Variants in ADGRB3 observed in about 807,000 individuals in gnomAD.
ADGRB3 encodes adhesion G protein-coupled receptor B3.
A neutral mutation model predicts 193.4 loss-of-function variants in ADGRB3; 37 were observed. That is an observed-to-expected ratio of 0.19 (90% confidence interval 0.15 to 0.25). ADGRB3 has a LOEUF of 0.25. ADGRB3 is among the 10% of genes least tolerant of loss of function. The pLI, the probability that ADGRB3 is intolerant of heterozygous loss-of-function variation, is 1.00. For synonymous variants in ADGRB3, 690 were observed against 644.2 expected, an observed-to-expected ratio of 1.07 and a Z score of -1.08; for missense variants, 1,637 against 1,852.9, an observed-to-expected ratio of 0.88 and a Z score of 2.14.
chr6:68,768,250 A>T (rs1395752843), intron 3 of ADGRB3, among the ~76,000 whole-genome samples: 1 of 152,188 alleles, frequency 6.6e-6, no homozygotes, highest in African/African-American at 2.4e-5. Flanking sequence ...CTAGACAAAA[A>T]GAACAAATCT....
intron 20 of ADGRB3, among the ~76,000 whole-genome samples, chr6:69,294,409 A>T (rs1170655015): frequency 6.6e-6 from 1 of 152,088 alleles, no homozygotes; most frequent in Admixed American, 6.6e-5. Context: ...GGTAAATAGG[A>T]CAGATGGAGA....
chr6:68,683,100 TA>T (rs1394539296), intron 3 of ADGRB3, among the ~76,000 whole-genome samples: 1 of 152,014 alleles, frequency 6.6e-6, no homozygotes, highest in Non-Finnish European at 1.5e-5. Context: ...AGTGTTTTCT[TA>T]AAAAAATAAA....
intron 16 of ADGRB3, among the ~76,000 whole-genome samples, chr6:69,065,295 T>C (rs1455320127): frequency 6.6e-6 from 1 of 152,124 alleles, no homozygotes; most frequent in Non-Finnish European, 1.5e-5. Context: ...CTAGGCGCTC[T>C]TGTTTGGAAT....
intron 3 of ADGRB3, among the ~76,000 whole-genome samples, chr6:68,844,454 C>T (rs1161440276): frequency 6.6e-6 from 1 of 152,082 alleles, no homozygotes; most frequent in Non-Finnish European, 1.5e-5. Flanking sequence ...TATTATCTCA[C>T]ACAAGTTAAA....
Position 69,006,607 on chromosome 6 carries a change from G to A in ADGRB3, c.1930-7431G>A, listed in dbSNP as rs370578472. The stretch of plus-strand genomic sequence containing the variant: ...TGTAACCTATGCTTCCTGAGTTCAC[G>A]CAATTCTCCTGCCTTAGCCTCCTAA... On this transcript the variant is annotated intron_variant, in intron 11 of 31. Coordinates refer to ENST00000370598, the MANE Select transcript of ADGRB3 (RefSeq NM_001704.3). 1.8e-3 allele frequency among the ~76,000 whole-genome samples: 273 copies of A among 151,300 alleles called. 2 individuals are homozygous for A. Among genetic ancestry groups the A allele is most frequent in the African/African-American group, 6.1e-3 (253 of 41,220 alleles).
intron 3 of ADGRB3, among the ~76,000 whole-genome samples, chr6:68,714,168 G>T (rs1328231956): frequency 1.3e-5 from 2 of 151,570 alleles, no homozygotes; most frequent in Admixed American, 6.6e-5. Flanking sequence ...TGCCTTTGTG[G>T]TATTAATTTG....
At chr6:68,915,909 C>T (rs1467610116) in intron 3 of ADGRB3, among the ~76,000 whole-genome samples, 1 of 151,902 alleles carries the variant, frequency 6.6e-6, no homozygotes, top group African/African-American at 2.4e-5. Context: ...CTTTTACAGT[C>T]AGGCATTATA....
chr6:69,326,943 G>A (rs1768587410), intron 21 of ADGRB3, among the ~76,000 whole-genome samples: 1 of 152,082 alleles, frequency 6.6e-6, no homozygotes, highest in Admixed American at 6.6e-5. Context: ...CTTCTGAGAT[G>A]TTTTCCATAG....
intron 15 of ADGRB3, among the ~76,000 whole-genome samples, chr6:69,052,410 A>C (rs1771425639): frequency 6.6e-6 from 1 of 152,222 alleles, no homozygotes; most frequent in South Asian, 2.1e-4. Flanking sequence ...TTATTTACAA[A>C]GTTTTATAAA....
At chr6:68,677,125 G>A (rs748715576) in intron 3 of ADGRB3, among the ~76,000 whole-genome samples, 4 of 152,028 alleles carry the variant, frequency 2.6e-5, no homozygotes, top group South Asian at 2.1e-4. Flanking sequence ...GCAAGAATAC[G>A]TACTATATTG....
At chr6:68,649,052 G>A (rs909761706) in intron 3 of ADGRB3, among the ~76,000 whole-genome samples, 1 of 152,014 alleles carries the variant, frequency 6.6e-6, no homozygotes, top group African/African-American at 2.4e-5. Flanking sequence ...CCCCATTGAA[G>A]TGTCAATTAT....
At chr6:69,226,606 G>A (rs1766021347) in intron 17 of ADGRB3, among the ~76,000 whole-genome samples, 1 of 152,188 alleles carries the variant, frequency 6.6e-6, no homozygotes, top group African/African-American at 2.4e-5. Context: ...CTTGTATTGT[G>A]TATCAGCTAT....
chr6:69,009,742 T>C (rs1467588065), intron 11 of ADGRB3, among the ~76,000 whole-genome samples: 1 of 152,102 alleles, frequency 6.6e-6, no homozygotes, highest in Non-Finnish European at 1.5e-5. Context: ...CCTTCAGATC[T>C]ACCTTACTAA....
intron 5 of ADGRB3, among the ~76,000 whole-genome samples, chr6:68,941,019 T>C (rs1459767350): frequency 6.6e-6 from 1 of 152,230 alleles, no homozygotes; most frequent in Non-Finnish European, 1.5e-5. Context: ...ATTCTTCATT[T>C]CGTCTCTAGT....
chr6:69,263,085 A>G (rs1284504412), intron 20 of ADGRB3, among the ~76,000 whole-genome samples: 1 of 152,034 alleles, frequency 6.6e-6, no homozygotes, highest in Non-Finnish European at 1.5e-5. Flanking sequence ...GGTATAATTT[A>G]TCTTCATTAA....
Position 69,235,112 on chromosome 6 carries a change from A to T in ADGRB3, c.2688A>T (p.Ala896=). The change falls in exon 19 of 32, where the codon GCA becomes GCT. Residue 896 remains alanine (A), a synonymous_variant. Transcript: ENST00000370598. ...GLSCLALITL[A]VVYAALWRYI... ...CTTGCTTGGCCTTGATTACCCTAGC[A>T]GTTGTCTATGCAGCATTATGGAGGT... The T allele has an allele frequency of 6.2e-7, 1 of 1,610,810 alleles. No individual in the cohort carries two copies. Among genetic ancestry groups the T allele is most frequent in the Non-Finnish European group, 8.5e-7 (1 of 1,177,094 alleles).
At chr6:69,370,585 C>T (rs1194379084) in intron 29 of ADGRB3, among the ~76,000 whole-genome samples, 8 of 152,022 alleles carry the variant, frequency 5.3e-5, no homozygotes, top group Admixed American at 3.9e-4. Context: ...ATTTTCCTTC[C>T]ATATTTCACA....
chr6:68,856,252 G>A (rs1764983696), intron 3 of ADGRB3, among the ~76,000 whole-genome samples: 1 of 152,180 alleles, frequency 6.6e-6, no homozygotes, highest in Admixed American at 6.5e-5. Context: ...ATTGGTACCA[G>A]TAGAGTGGGG....
chr6:68,902,638 G>C (rs748546071), intron 3 of ADGRB3, among the ~76,000 whole-genome samples: 4 of 151,866 alleles, frequency 2.6e-5, no homozygotes, highest in Non-Finnish European at 5.9e-5. Flanking sequence ...CCATAAAAAA[G>C]CCAATAATTA....
Sources: gnomAD v4.1 joint callset for allele counts (sites outside exome capture counted in the v4.1 genomes callset) on GRCh38, gnomAD v4.1.1 for gene constraint, MANE v1.5 for transcripts, NCBI Gene and HGNC (gene_info 2026-07-23, HGNC 2026-07-21) for gene names.